CACNA1E: variants seen among roughly 807,000 people sequenced by gnomAD.
The protein encoded by CACNA1E is voltage-dependent R-type calcium channel subunit alpha-1E.
In CACNA1E, 40 loss-of-function variants were observed where a neutral mutation model predicts 259.2. The ratio of observed to expected loss-of-function variants is 0.15; its 90% confidence interval spans 0.12 to 0.20. CACNA1E has a LOEUF of 0.20. Ranked by LOEUF, CACNA1E falls within the 10% of genes least tolerant of loss-of-function variation. The pLI, the probability that CACNA1E is intolerant of heterozygous loss-of-function variation, is 1.00. For missense variants in CACNA1E, 1,874 were observed against 3,040.1 expected (o/e 0.62, Z 9.02); for synonymous variants, 1,104 against 1,138.5 (o/e 0.97, Z 0.61).
chr1:181,334,421 T>G (rs542637294), intron 1 of CACNA1E, among the ~76,000 whole-genome samples: 90 of 152,336 alleles, frequency 5.9e-4, no homozygotes, highest in South Asian at 3.7e-3. Context: ...ATGCTACACG[T>G]GTCCATCCAA....
chr1:181,805,293 T>G lies in CACNA1E; in HGVS notation c.*6459T>G, dbSNP rs761808653. On this transcript the variant is annotated 3_prime_UTR_variant, in exon 48 of 48. Coordinates refer to ENST00000367573, the MANE Select transcript of CACNA1E (RefSeq NM_001205293.3). ...TGATGACTCAATATTTTCCTTCCAG[T>G]ACTCTAATTTTTTTTTATGGCAATG... 1 of 152,190 alleles carries G rather than the reference T, an allele frequency of 6.6e-6. No homozygotes were observed. Among genetic ancestry groups the G allele is most frequent in the Non-Finnish European group, 1.5e-5 (1 of 68,032 alleles). 9.4% of individuals were successfully genotyped at this position (152,190 alleles called of 1,614,324 possible).
chr1:181,330,542 G>T (rs1651180524), intron 1 of CACNA1E, among the ~76,000 whole-genome samples: 1 of 152,222 alleles, frequency 6.6e-6, no homozygotes. Context: ...TCCGACCCCA[G>T]ATTCTGTCAT....
At chr1:181,666,434 T>C (rs899017697) in intron 7 of CACNA1E, among the ~76,000 whole-genome samples, 6 of 152,112 alleles carry the variant, frequency 3.9e-5, no homozygotes, top group African/African-American at 1.4e-4. Flanking sequence ...TTTAGGTAAA[T>C]GAAAAGACAA....
In CACNA1E at chr1:181,803,223, A is replaced by G. The variant is rs1301956077; in HGVS notation, c.*4389A>G. 2 of 152,164 alleles carry G rather than the reference A, an allele frequency of 1.3e-5. No individual in the cohort carries two copies. The highest frequency in any genetic ancestry group is 4.8e-5 in the African/African-American group (2 of 41,392). The allele number at this position is 152,164 out of a possible 1,614,324, so 9.4% of individuals were successfully genotyped here. On this transcript the variant is annotated 3_prime_UTR_variant, in exon 48 of 48. Transcript: ENST00000367573. ...GCAATGGGCACCGTCCAGGAGGTACAGGAGAGGACTTTATGATGCAGGAAA... is the reference window on the plus strand; with the variant it reads ...GCAATGGGCACCGTCCAGGAGGTACGGGAGAGGACTTTATGATGCAGGAAA...
intron 3 of CACNA1E, among the ~76,000 whole-genome samples, chr1:181,527,684 C>A (rs1667464266): frequency 6.6e-6 from 1 of 152,090 alleles, no homozygotes; most frequent in African/African-American, 2.4e-5. Context: ...TTTAAATGTA[C>A]CTTCAGTAAA....
In CACNA1E at chr1:181,713,251, G is replaced by A. The variant is rs955141884; in HGVS notation, c.1172-2087G>A. On this transcript the variant is annotated intron_variant, in intron 8 of 47. Coordinates refer to ENST00000367573, the MANE Select transcript of CACNA1E (RefSeq NM_001205293.3). ...CCAGATCTGCTCACCCCAAAGCCCA[G>A]ACACTGTGCACAGCAAAAGTGACTT... Among the ~76,000 whole-genome samples the A allele has an allele frequency of 5.9e-5, 9 of 152,262 alleles. 1 individual carries two copies. In the South Asian group the frequency reaches 1.0e-3, roughly 18 times the overall value.
rs1390848702 is a variant in CACNA1E, at chr1:181,484,510, C to CACATATCAGTT, written c.266+500_266+501insACATATCAGTT. Among the ~76,000 whole-genome samples the CACATATCAGTT allele has an allele frequency of 4.6e-5, 7 of 152,322 alleles. No homozygotes were observed. In the East Asian group the frequency reaches 1.3e-3, roughly 29 times the overall value. On this transcript the variant is annotated intron_variant, in intron 1 of 47. Transcript: ENST00000367573. Reference sequence around the variant, plus strand: ...AGTTCAGAAGTTCCCAGGGCCAAAACCCTGTGTACAGATAGACAAATGAAT... The same window carrying CACATATCAGTT: ...AGTTCAGAAGTTCCCAGGGCCAAAACACATATCAGTTCCTGTGTACAGATAGACAAATGAAT...
At chr1:181,530,469 G>A (rs1030333554) in intron 3 of CACNA1E, among the ~76,000 whole-genome samples, 2 of 152,166 alleles carry the variant, frequency 1.3e-5, no homozygotes, top group African/African-American at 4.8e-5. Flanking sequence ...AAACTCAGTT[G>A]ATTCCAGTGA....
intron 7 of CACNA1E, among the ~76,000 whole-genome samples, chr1:181,678,515 T>C (rs561696862): frequency 6.6e-6 from 1 of 152,352 alleles, no homozygotes; most frequent in South Asian, 2.1e-4. Flanking sequence ...GCTGCACATC[T>C]ATCTAACATG....
chr1:181,383,201 AC>A (rs1158106808), intron 1 of CACNA1E, among the ~76,000 whole-genome samples: 1 of 152,138 alleles, frequency 6.6e-6, no homozygotes, highest in Non-Finnish European at 1.5e-5. Context: ...TGTTATACTT[AC>A]TTCCAACTTT....
chr1:181,738,262 GC>G (rs1447694798), intron 23 of CACNA1E, 104 bp from the exon 24 acceptor site: 2 of 863,024 alleles, frequency 2.3e-6, no homozygotes, highest in African/African-American at 3.3e-5. Flanking sequence ...GTGGGTGAGG[GC>G]CAGGGTGGGC....
In CACNA1E at chr1:181,726,141, C is replaced by T. The variant is rs1399871557; in HGVS notation, c.2219C>T (p.Ala740Val). The change falls in exon 18 of 48, where the codon GCA becomes GTA. Residue 740 changes from alanine (A) to valine (V), a missense_variant. Coordinates refer to ENST00000367573, the MANE Select transcript of CACNA1E (RefSeq NM_001205293.3). Reference protein sequence around the residue: ...QKAKEVSPMSAPNMPSIERDR... With the variant: ...QKAKEVSPMSVPNMPSIERDR... ...GCCAAGGAGGTCAGCCCGATGTCTG[C>T]ACCCAACATGCCTTCGATCGAGTGA... The T allele has an allele frequency of 6.2e-6, 10 of 1,612,358 alleles. No homozygotes were observed. The highest frequency in any genetic ancestry group is 7.6e-6 in the Non-Finnish European group (9 of 1,179,134).
At chr1:181,721,657 G>T in intron 15 of CACNA1E, 101 bp from the exon 16 acceptor site, 3 of 615,940 alleles carry the variant, frequency 4.9e-6, no homozygotes, top group Non-Finnish European at 8.9e-6. Context: ...CAAGCAAGGG[G>T]GTAGATGCAA....
At chr1:181,367,983 C>CT (rs1654403483) in intron 1 of CACNA1E, among the ~76,000 whole-genome samples, 1 of 152,180 alleles carries the variant, frequency 6.6e-6, no homozygotes, top group Non-Finnish European at 1.5e-5. Context: ...GTAATCCCAG[C>CT]ACTTTGGGAG....
chr1:181,772,669 A>AAGGT (rs1271492242), intron 37 of CACNA1E, among the ~76,000 whole-genome samples: 1 of 152,188 alleles, frequency 6.6e-6, no homozygotes, highest in African/African-American at 2.4e-5. Flanking sequence ...TGCTTGAGAA[A>AAGGT]AGGTACCTTG....
chr1:181,381,829 T>G (rs1372858377), intron 1 of CACNA1E, among the ~76,000 whole-genome samples: 1 of 152,144 alleles, frequency 6.6e-6, no homozygotes, highest in Non-Finnish European at 1.5e-5. Flanking sequence ...TAGGAGCTGG[T>G]TTGTAAAAGA....
intron 1 of CACNA1E, among the ~76,000 whole-genome samples, chr1:181,409,033 A>G (rs1657663942): frequency 6.6e-6 from 1 of 152,170 alleles, no homozygotes; most frequent in African/African-American, 2.4e-5. Flanking sequence ...GCTGAATGAC[A>G]ATAATGGAGT....
chr1:181,319,503 T>C (rs1650180597), intron 1 of CACNA1E, among the ~76,000 whole-genome samples: 1 of 152,248 alleles, frequency 6.6e-6, no homozygotes, highest in Non-Finnish European at 1.5e-5. Context: ...CAGCGATTTC[T>C]ACCATCTAAA....
At chr1:181,578,726 TCTGA>T (rs769390841) in intron 4 of CACNA1E, among the ~76,000 whole-genome samples, 1 of 152,376 alleles carries the variant, frequency 6.6e-6, no homozygotes, top group South Asian at 2.1e-4. Flanking sequence ...TATTCAAATC[TCTGA>T]CTGTTTTCTT....
Sources: allele counts gnomAD v4.1 joint callset (sites outside exome capture counted in the v4.1 genomes callset), GRCh38; gene constraint gnomAD v4.1.1; transcripts MANE v1.5; gene names NCBI Gene and HGNC (gene_info 2026-07-23, HGNC 2026-07-21).